Variants in DAB1 observed in about 807,000 individuals in gnomAD.
DAB1 encodes DAB adaptor protein 1, also known as disabled homolog 1.
In DAB1, 15 loss-of-function variants were observed where a neutral mutation model predicts 64.6. The observed-to-expected ratio is 0.23, with a 90% CI of 0.16 to 0.36. The LOEUF is 0.36. DAB1 is among the 10% of genes least tolerant of loss of function. The pLI is 1.00. For missense variants in DAB1, 596 were observed against 706.7 expected (o/e 0.84, Z 1.78); for synonymous variants, 235 against 251.9 (o/e 0.93, Z 0.64).
rs192461042 is a variant in DAB1 at position 58,428,664 on chromosome 1, A to G, written n.257+77396T>C. Among the ~76,000 whole-genome samples the G allele has an allele frequency of 6.6e-3, 999 of 152,290 alleles. 8 individuals carry two copies. The highest frequency in any genetic ancestry group is 0.023 in the African/African-American group (951 of 41,550). Reference sequence around the variant, plus strand: ...CCTTATCTTTAAAAAATATATTAAAATATTTATAGTTCAAACAGTGTTATG... The same window carrying G: ...CCTTATCTTTAAAAAATATATTAAAGTATTTATAGTTCAAACAGTGTTATG... On this transcript the variant is annotated intron_variant and non_coding_transcript_variant, in intron 3 of 20. Coordinates refer to the DAB1 transcript ENST00000485760.
Position 57,853,396 on chromosome 1 carries a change from T to A in DAB1, n.88-26941A>T, listed in dbSNP as rs115618553. ...TATTTGGAAATCACATTTTAAGAAA[T>A]TTTTGCTGTATATTTTGTGATGTGA... On this transcript the variant is annotated intron_variant and non_coding_transcript_variant, in intron 1 of 1. Transcript: ENST00000477280. 2.8e-3 allele frequency among the ~76,000 whole-genome samples: 425 copies of A among 152,226 alleles called. 2 individuals carry two copies. Among genetic ancestry groups the A allele is most frequent in the African/African-American group, 9.3e-3 (387 of 41,528 alleles).
intron 4 of DAB1, among the ~76,000 whole-genome samples, chr1:58,205,440 A>G (rs1404202401): frequency 6.6e-6 from 1 of 152,236 alleles, no homozygotes; most frequent in East Asian, 1.9e-4. Flanking sequence ...TTTTCAAACC[A>G]CATGTGTCCC....
chr1:57,365,254 TTATA>T (rs1484628898), intron 1 of DAB1, among the ~76,000 whole-genome samples: 2 of 141,476 alleles, frequency 1.4e-5, no homozygotes, highest in Non-Finnish European at 3.1e-5. Flanking sequence ...TATTTATATA[TTATA>T]TAAAGAATAT....
chr1:57,284,486 T>C (rs543304002), intron 2 of DAB1, among the ~76,000 whole-genome samples: 471 of 152,282 alleles, frequency 3.1e-3, no homozygotes, highest in African/African-American at 0.011. Flanking sequence ...CTACATCCAT[T>C]TGGTGGCTGA....
intron 1 of DAB1, among the ~76,000 whole-genome samples, chr1:58,528,515 A>G (rs969834682): frequency 4.6e-5 from 7 of 152,320 alleles, no homozygotes; most frequent in African/African-American, 1.7e-4. Flanking sequence ...CTCCAGGGAC[A>G]TTTACAAATG....
intron 7 of DAB1, among the ~76,000 whole-genome samples, chr1:57,579,225 T>C (rs1645284738): frequency 6.6e-6 from 1 of 152,206 alleles, no homozygotes; most frequent in South Asian, 2.1e-4. Flanking sequence ...ATATTTGTTT[T>C]AGTTTTAGCA....
At chr1:58,025,559 TAG>T (rs1220527350) in intron 5 of DAB1, among the ~76,000 whole-genome samples, 10 of 146,378 alleles carry the variant, frequency 6.8e-5, no homozygotes, top group Non-Finnish European at 1.3e-4. Flanking sequence ...TATATATATA[TAG>T]AGAGAGAGCC....
At chr1:57,179,982 GA>G (rs1662739325) in intron 2 of DAB1, among the ~76,000 whole-genome samples, 1 of 151,932 alleles carries the variant, frequency 6.6e-6, no homozygotes, top group Non-Finnish European at 1.5e-5. Context: ...TTTCCGGGAT[GA>G]AAAAAAGGAA....
At chr1:58,397,624 A>T (rs1281256225) in intron 3 of DAB1, among the ~76,000 whole-genome samples, 2 of 152,212 alleles carry the variant, frequency 1.3e-5, no homozygotes, top group African/African-American at 4.8e-5. Flanking sequence ...GGTGTCTTCA[A>T]CATAGACACA....
chr1:57,836,920 T>C (rs145729979), intron 1 of DAB1, among the ~76,000 whole-genome samples: 10 of 152,250 alleles, frequency 6.6e-5, no homozygotes, highest in African/African-American at 2.4e-4. Flanking sequence ...GCTCTCAGCG[T>C]CTCCATCTCA....
At chr1:57,362,733 A>C (rs1277588564) in intron 1 of DAB1, among the ~76,000 whole-genome samples, 1 of 152,126 alleles carries the variant, frequency 6.6e-6, no homozygotes, top group Non-Finnish European at 1.5e-5. Context: ...CCTGGACTTA[A>C]GTTGTTTATT....
Position 58,230,068 on chromosome 1 carries a change from T to C in DAB1, n.310-79480A>G, listed in dbSNP as rs72910429. Among the ~76,000 whole-genome samples, 1,420 of 152,294 alleles carry C rather than the reference T, an allele frequency of 9.3e-3. 21 individuals carry two copies. The highest frequency in any genetic ancestry group is 0.032 in the African/African-American group (1,349 of 41,552). Reference sequence around the variant, plus strand: ...ATCACGCCATTGCTCCTACGTCCTTTCCATGGCTCCCTTACTATGGAACTC... The same window carrying C: ...ATCACGCCATTGCTCCTACGTCCTTCCCATGGCTCCCTTACTATGGAACTC... On this transcript the variant is annotated intron_variant and non_coding_transcript_variant, in intron 4 of 20. Coordinates refer to the DAB1 transcript ENST00000485760.
intron 2 of DAB1, among the ~76,000 whole-genome samples, chr1:57,264,524 C>A (rs1254489096): frequency 2.0e-5 from 3 of 152,196 alleles, no homozygotes; most frequent in Admixed American, 6.5e-5. Context: ...GCCCTGATTT[C>A]ATTTGATCTC....
At chr1:57,842,347 A>G (rs1569829097) in intron 1 of DAB1, among the ~76,000 whole-genome samples, 1 of 152,262 alleles carries the variant, frequency 6.6e-6, no homozygotes, top group Middle Eastern at 3.4e-3. Flanking sequence ...ACATTCCCAT[A>G]TCTTCCTCTC....
At chr1:57,660,643 TCTGA>T (rs898688735) in intron 6 of DAB1, among the ~76,000 whole-genome samples, 2 of 152,240 alleles carry the variant, frequency 1.3e-5, no homozygotes, top group African/African-American at 4.8e-5. Flanking sequence ...AGGGCTGCCC[TCTGA>T]CAGCTTGCAG....
intron 2 of DAB1, among the ~76,000 whole-genome samples, chr1:57,146,754 G>T (rs1447891319): frequency 6.6e-6 from 1 of 152,134 alleles, no homozygotes; most frequent in African/African-American, 2.4e-5. Flanking sequence ...TGTGCCCTTA[G>T]AAGCTTAAGT....
At chr1:57,771,311 G>GT (rs1649551783) in intron 6 of DAB1, among the ~76,000 whole-genome samples, 2 of 152,072 alleles carry the variant, frequency 1.3e-5, no homozygotes, top group Admixed American at 6.6e-5. Flanking sequence ...AGAAAATGGT[G>GT]TAATTTATCC....
intron 1 of DAB1, among the ~76,000 whole-genome samples, chr1:57,353,537 C>T (rs1254603656): frequency 1.3e-5 from 2 of 152,146 alleles, no homozygotes; most frequent in Non-Finnish European, 2.9e-5. Flanking sequence ...GCCATGGCTT[C>T]GATTTTTGTC....
intron 6 of DAB1, among the ~76,000 whole-genome samples, chr1:57,787,607 CA>C (rs1650396102): frequency 6.6e-6 from 1 of 151,708 alleles, no homozygotes; most frequent in Admixed American, 6.6e-5. Flanking sequence ...TTGGATTAGG[CA>C]AAAAGGTTTT....
Sources: gnomAD v4.1 joint callset for allele counts (sites outside exome capture counted in the v4.1 genomes callset) on GRCh38, gnomAD v4.1.1 for gene constraint, MANE v1.5 for transcripts, NCBI Gene and HGNC (gene_info 2026-07-23, HGNC 2026-07-21) for gene names.